MSR1: variants seen among roughly 807,000 people sequenced by gnomAD.
MSR1 encodes the protein macrophage scavenger receptor types I and II.
MSR1 carries 53 observed loss-of-function variants against 47.2 expected under a neutral mutation model. The observed-to-expected ratio is 1.12, with a 90% CI of 0.90 to 1.41. The LOEUF (loss-of-function observed/expected upper bound fraction) is 1.41, where lower values mean the gene tolerates loss of function less well. Ranked by LOEUF, MSR1 falls within the 40% of genes most tolerant of loss-of-function variation. The pLI is 0.00. For missense variants in MSR1, 786 were observed against 546.9 expected (o/e 1.44, Z -4.36); for synonymous variants, 239 against 185.6 (o/e 1.29, Z -2.34).
At chr8:16,133,414 A>T (rs140073136) in intron 8 of MSR1, among the ~76,000 whole-genome samples, 1 of 152,110 alleles carries the variant, frequency 6.6e-6, no homozygotes, top group African/African-American at 2.4e-5. Flanking sequence ...TCCCATTGAA[A>T]CTCTCCCAAA....
chr8:16,172,852 A>C (rs1422724189), intron 3 of MSR1, among the ~76,000 whole-genome samples: 1 of 152,110 alleles, frequency 6.6e-6, no homozygotes, highest in Non-Finnish European at 1.5e-5. Flanking sequence ...TTTATATATA[A>C]TATTCTATTT....
chr8:16,168,105 T>C (rs939314452), intron 4 of MSR1, among the ~76,000 whole-genome samples: 2 of 152,194 alleles, frequency 1.3e-5, no homozygotes, highest in Non-Finnish European at 2.9e-5. Flanking sequence ...AATATGTCTG[T>C]TGCAAAATTC....
chr8:16,125,123 T>C (rs760329319), intron 8 of MSR1, among the ~76,000 whole-genome samples: 15 of 152,148 alleles, frequency 9.9e-5, no homozygotes, highest in Non-Finnish European at 1.8e-4. Flanking sequence ...CCTGAGACAT[T>C]AGAAAATCTG....
chr8:16,108,448 C>T lies in MSR1; in HGVS notation c.*1637G>A, dbSNP rs1320408292. ...ATACCATACAGCAATACAGTATTAA[C>T]AACCCAGAGGCACTGATCTCAGACA... On this transcript the variant is annotated 3_prime_UTR_variant, in exon 10 of 10. Coordinates refer to ENST00000262101, the MANE Select transcript of MSR1 (RefSeq NM_138715.3). 1 of 151,954 alleles carries T rather than the reference C, an allele frequency of 6.6e-6. No homozygotes were observed. Among genetic ancestry groups the T allele is most frequent in the Admixed American group, 6.6e-5 (1 of 15,234 alleles). 9.4% of individuals were successfully genotyped at this position (151,954 alleles called of 1,614,324 possible). A position where few individuals can be genotyped will look rare whatever the true frequency, so the allele number is the denominator to read the frequency against.
In MSR1 at chr8:16,126,744, A is replaced by G. The variant is rs936218264; in HGVS notation, c.1034-6138T>C. Among the ~76,000 whole-genome samples, 10 of 152,128 alleles carry G rather than the reference A, an allele frequency of 6.6e-5. 1 individual carries two copies. The highest frequency in any genetic ancestry group is 5.9e-4 in the Admixed American group (9 of 15,270). ...AGATATTTTTGTATTTTTTGAAGAG[A>G]CGGGATTTCACCACGTAGCCTAGGC... On this transcript the variant is annotated intron_variant, in intron 8 of 9. Coordinates refer to ENST00000262101, the MANE Select transcript of MSR1 (RefSeq NM_138715.3).
chr8:16,178,094 T>C (rs1801709935), intron 1 of MSR1, 102 bp from the exon 2 acceptor site: 8 of 896,628 alleles, frequency 8.9e-6, no homozygotes, highest in African/African-American at 3.5e-5. Flanking sequence ...TGGAATCTAT[T>C]CAGTTTTTCT....
At chr8:16,148,569 A>ACC (rs1485088201) in intron 7 of MSR1, among the ~76,000 whole-genome samples, 7 of 151,802 alleles carry the variant, frequency 4.6e-5, no homozygotes, top group Non-Finnish European at 1.0e-4. Context: ...TGATCCTCCC[A>ACC]CCTCAGCCTC....
chr8:16,112,943 GTTTTTTT>G (rs71543671), intron 9 of MSR1, among the ~76,000 whole-genome samples: 8 of 87,818 alleles, frequency 9.1e-5, no homozygotes, highest in Admixed American at 6.9e-4. Context: ...TTTTTTTTAA[GTTTTTTT>G]TTTTTTTTTT....
chr8:16,185,593 A>G (rs927263066), intron 1 of MSR1, among the ~76,000 whole-genome samples: 43 of 152,110 alleles, frequency 2.8e-4, no homozygotes, highest in African/African-American at 9.9e-4. Flanking sequence ...TCTCATCTAT[A>G]AGACCCATAT....
intron 8 of MSR1, among the ~76,000 whole-genome samples, chr8:16,121,849 C>T (rs187581391): frequency 6.8e-6 from 1 of 146,056 alleles, no homozygotes; most frequent in African/African-American, 2.8e-5. Context: ...TCAGTAACTT[C>T]TTTTTCTCCA....
At chr8:16,118,482 A>T (rs1470427126) in intron 9 of MSR1, among the ~76,000 whole-genome samples, 1 of 152,152 alleles carries the variant, frequency 6.6e-6, no homozygotes, top group Admixed American at 6.6e-5. Context: ...TCACACCTGT[A>T]ATCCCAGCAC....
In MSR1 at chr8:16,109,683, G is replaced by C. The variant is rs183113981; in HGVS notation, c.*402C>G. On this transcript the variant is annotated 3_prime_UTR_variant, in exon 10 of 10. Transcript: ENST00000262101. Reference sequence around the variant, plus strand: ...ATCTTCTGATCCCTTCCGTTATTCAGAAAGTAATTAAAATCAACTAAATAG... The same window carrying C: ...ATCTTCTGATCCCTTCCGTTATTCACAAAGTAATTAAAATCAACTAAATAG... The C allele has an allele frequency of 5.1e-6, 1 of 196,880 alleles. No individual in the cohort carries two copies. The highest frequency in any genetic ancestry group is 2.4e-5 in the African/African-American group (1 of 42,192). 12.2% of individuals were successfully genotyped at this position (196,880 alleles called of 1,614,324 possible).
chr8:16,127,084 A>C (rs886976541), intron 8 of MSR1, among the ~76,000 whole-genome samples: 3 of 152,160 alleles, frequency 2.0e-5, no homozygotes, highest in African/African-American at 7.2e-5. Flanking sequence ...GGGAGAAAAA[A>C]AGTATCATAT....
chr8:16,128,036 G>A, intron 8 of MSR1, among the ~76,000 whole-genome samples: 1 of 152,012 alleles, frequency 6.6e-6, no homozygotes, highest in East Asian at 1.9e-4. Context: ...ACACAATATT[G>A]GCAGTAAACA....
At chr8:16,170,012 G>T (rs540637574) in intron 3 of MSR1, among the ~76,000 whole-genome samples, 1 of 151,982 alleles carries the variant, frequency 6.6e-6, no homozygotes, top group African/African-American at 2.4e-5. Context: ...AAAGCAATAT[G>T]TTTTCTAGTT....
intron 4 of MSR1, 114 bp downstream of exon 4, chr8:16,168,344 T>G (rs1801376633): frequency 9.9e-7 from 1 of 1,011,670 alleles, no homozygotes; most frequent in Non-Finnish European, 1.5e-6. Context: ...GAAATCAGGG[T>G]AAACAGGATG....
chr8:16,175,224 C>A lies in MSR1; in HGVS notation c.180G>T (p.Val60=), dbSNP rs1262185205. The A allele has an allele frequency of 1.2e-6, 2 of 1,614,032 alleles. No individual in the cohort carries two copies. Among genetic ancestry groups the A allele is most frequent in the African/African-American group, 2.7e-5 (2 of 75,010 alleles). Residue 60 remains valine (V), a synonymous_variant, in exon 3 of 10, where the codon GTG becomes GTT. Coordinates refer to ENST00000262101, the MANE Select transcript of MSR1 (RefSeq NM_138715.3). ...CAATGAGAGGGATGAGAACTGCAAA[C>A]ACGAGGAGGTAAAGGGCAATCAGTG... ...KAALIALYLL[V]FAVLIPLIGI...
chr8:16,166,651 G>C (rs1801319858), intron 4 of MSR1, among the ~76,000 whole-genome samples: 1 of 151,892 alleles, frequency 6.6e-6, no homozygotes, highest in Non-Finnish European at 1.5e-5. Context: ...ATTTAATTTT[G>C]TAGTCGTACA....
At chr8:16,181,584 G>T (rs959448218) in intron 1 of MSR1, among the ~76,000 whole-genome samples, 5 of 152,036 alleles carry the variant, frequency 3.3e-5, no homozygotes, top group African/African-American at 7.2e-5. Flanking sequence ...TCACGTATAA[G>T]TGGGAGCTGA....
Sources: allele counts gnomAD v4.1 joint callset (sites outside exome capture counted in the v4.1 genomes callset), GRCh38; gene constraint gnomAD v4.1.1; transcripts MANE v1.5; gene names NCBI Gene and HGNC (gene_info 2026-07-23, HGNC 2026-07-21).